Variants in GALNT14 observed in about 807,000 individuals in gnomAD.
The protein encoded by GALNT14 is UDP-GalNAc:polypeptide N-acetylgalactosaminyltransferase 14.
In GALNT14, 60 loss-of-function variants were observed where a neutral mutation model predicts 77.5. The observed-to-expected ratio is 0.77, with a 90% CI of 0.63 to 0.96. GALNT14 has a LOEUF of 0.96. Among genes scored for constraint, GALNT14 ranks in the 40% least tolerant of loss-of-function variants. The pLI is 0.00. For missense variants in GALNT14, 710 were observed against 731.0 expected, an observed-to-expected ratio of 0.97 and a Z score of 0.33; for synonymous variants, 280 against 281.7, an observed-to-expected ratio of 0.99 and a Z score of 0.06.
At chr2:31,009,957 C>T (rs930767942) in intron 1 of GALNT14, among the ~76,000 whole-genome samples, 5 of 152,158 alleles carry the variant, frequency 3.3e-5, no homozygotes, top group Admixed American at 3.3e-4. Context: ...CATTTGATCC[C>T]TCCAATTCAT....
At position 31,026,669 on chromosome 2, in the gene GALNT14, C is replaced by A. The variant is rs1427830591; in HGVS notation, c.130-33662G>T. On this transcript the variant is annotated intron_variant, in intron 1 of 14. Coordinates refer to ENST00000349752, the MANE Select transcript of GALNT14 (RefSeq NM_024572.4). Reference sequence around the variant, plus strand: ...TAGTCCTGCCTCTGCCACTAACATGCGGGGAGACTGTGGACCAGTCTTTTC... The same window carrying A: ...TAGTCCTGCCTCTGCCACTAACATGAGGGGAGACTGTGGACCAGTCTTTTC... Among the ~76,000 whole-genome samples, 4 of 152,146 alleles carry A rather than the reference C, an allele frequency of 2.6e-5. No homozygotes were observed. In the East Asian group the frequency reaches 7.7e-4, roughly 29 times the overall value.
At chr2:30,966,335 C>T (rs1558449811) in intron 2 of GALNT14, 33 bp from the exon 3 acceptor site, 2 of 1,501,318 alleles carry the variant, frequency 1.3e-6, no homozygotes, top group South Asian at 1.1e-5. Flanking sequence ...CAAGTGAGAC[C>T]TTCAGGGACA....
intron 1 of GALNT14, among the ~76,000 whole-genome samples, chr2:31,056,819 A>G (rs1199284474): frequency 2.0e-5 from 3 of 152,224 alleles, no homozygotes; most frequent in Non-Finnish European, 4.4e-5. Flanking sequence ...GTGACATGAT[A>G]AAAACAGCAT....
chr2:30,978,273 C>T (rs115675729), intron 2 of GALNT14, among the ~76,000 whole-genome samples: 1,925 of 152,360 alleles, frequency 0.013, 42 homozygotes, highest in South Asian at 0.064. Flanking sequence ...ATCACTTCCT[C>T]CACCACACTC....
chr2:30,971,013 C>T (rs527267892), intron 2 of GALNT14, among the ~76,000 whole-genome samples: 21 of 152,290 alleles, frequency 1.4e-4, no homozygotes, highest in African/African-American at 4.8e-4. Flanking sequence ...TACAGTCTCC[C>T]TGTGAACTCA....
intron 2 of GALNT14, among the ~76,000 whole-genome samples, chr2:30,974,873 G>T (rs768661314): frequency 2.0e-5 from 3 of 152,222 alleles, no homozygotes; most frequent in African/African-American, 4.8e-5. Flanking sequence ...TACGATAAAT[G>T]TCTGAAGAAT....
chr2:31,104,978 C>T (rs999801408), intron 1 of GALNT14, among the ~76,000 whole-genome samples: 1 of 152,208 alleles, frequency 6.6e-6, no homozygotes, highest in Non-Finnish European at 1.5e-5. Context: ...GAAACCTCCA[C>T]CCACAGGACA....
At chr2:31,095,127 G>A (rs1260844167) in intron 1 of GALNT14, among the ~76,000 whole-genome samples, 2 of 152,142 alleles carry the variant, frequency 1.3e-5, no homozygotes, top group Non-Finnish European at 2.9e-5. Flanking sequence ...AGTGGGAGTG[G>A]AAAAAGTAAA....
At chr2:31,039,230 C>T in intron 1 of GALNT14, among the ~76,000 whole-genome samples, 1 of 152,180 alleles carries the variant, frequency 6.6e-6, no homozygotes, top group East Asian at 1.9e-4. Context: ...CTTTTGAATA[C>T]ATTTTGTTCT....
chr2:30,962,516 G>C (rs1333578800), intron 3 of GALNT14, among the ~76,000 whole-genome samples: 1 of 152,254 alleles, frequency 6.6e-6, no homozygotes, highest in Non-Finnish European at 1.5e-5. Flanking sequence ...ACAGCGCTGG[G>C]TCTCCCATAA....
intron 1 of GALNT14, among the ~76,000 whole-genome samples, chr2:31,094,501 C>A (rs1050900075): frequency 6.6e-6 from 1 of 152,188 alleles, no homozygotes; most frequent in East Asian, 1.9e-4. Flanking sequence ...GATCAGAGAA[C>A]CACAGGAAAC....
intron 1 of GALNT14, among the ~76,000 whole-genome samples, chr2:31,050,867 C>T (rs1673817570): frequency 6.6e-6 from 1 of 150,578 alleles, no homozygotes; most frequent in Non-Finnish European, 1.5e-5. Flanking sequence ...AAAATACCCA[C>T]AGGGGACTTC....
chr2:30,890,524 AATG>A, the GALNT14 span, among the ~76,000 whole-genome samples: 7 of 152,202 alleles, frequency 4.6e-5, no homozygotes, highest in Non-Finnish European at 8.8e-5. Context: ...GTAGAGATTC[AATG>A]ATGAGATACA....
intron 1 of GALNT14, among the ~76,000 whole-genome samples, chr2:31,057,378 A>G (rs1054925736): frequency 2.7e-4 from 13 of 47,566 alleles, no homozygotes; most frequent in East Asian, 1.8e-3. Context: ...GTGTGTGTAT[A>G]TATATATATA....
intron 9 of GALNT14, among the ~76,000 whole-genome samples, chr2:30,934,197 G>A (rs1166889083): frequency 6.6e-6 from 1 of 152,190 alleles, no homozygotes; most frequent in Non-Finnish European, 1.5e-5. Flanking sequence ...AGTGAGCTCA[G>A]CCAACTGCCT....
chr2:31,007,397 C>A (rs1384836985), intron 1 of GALNT14, among the ~76,000 whole-genome samples: 1 of 152,190 alleles, frequency 6.6e-6, no homozygotes, highest in Non-Finnish European at 1.5e-5. Context: ...AGGGACATTT[C>A]CCTGACCTCG....
chr2:31,060,424 C>A (rs1251041142), intron 1 of GALNT14, among the ~76,000 whole-genome samples: 1 of 152,220 alleles, frequency 6.6e-6, no homozygotes, highest in Non-Finnish European at 1.5e-5. Context: ...CAGGGAAAAT[C>A]CTTCAGCGGA....
intron 1 of GALNT14, among the ~76,000 whole-genome samples, chr2:30,996,555 C>CTCA: frequency 6.6e-6 from 1 of 152,226 alleles, no homozygotes; most frequent in Non-Finnish European, 1.5e-5. Flanking sequence ...TTGGCCTCAC[C>CTCA]CCCCCTCTAC....
At chr2:31,030,745 G>C (rs1672353898) in intron 1 of GALNT14, among the ~76,000 whole-genome samples, 1 of 152,186 alleles carries the variant, frequency 6.6e-6, no homozygotes, top group Non-Finnish European at 1.5e-5. Flanking sequence ...TAGTGAGGAA[G>C]TCTGAGAAAT....
Sources: allele counts gnomAD v4.1 joint callset (sites outside exome capture counted in the v4.1 genomes callset), GRCh38; gene constraint gnomAD v4.1.1; transcripts MANE v1.5; gene names NCBI Gene and HGNC (gene_info 2026-07-23, HGNC 2026-07-21).